Variants in RAD51 observed in about 807,000 individuals in gnomAD.
RAD51 encodes the protein RAD51 recombinase, also known as DNA repair protein RAD51 homolog 1.
In RAD51, 14 loss-of-function variants were observed where a neutral mutation model predicts 41.5. The ratio of observed to expected loss-of-function variants is 0.34; its 90% CI spans 0.22 to 0.53. RAD51 has a LOEUF of 0.53. Among genes scored for constraint, RAD51 ranks in the 20% least tolerant of loss-of-function variants. RAD51 has a pLI of 0.95. For synonymous variants in RAD51, 136 were observed against 148.6 expected (o/e 0.92, Z 0.62); for missense variants, 234 against 422.0 (o/e 0.55, Z 3.90).
chr15:40,701,776 ATTTTTTTTTT>A (rs35383252), intron 3 of RAD51: 9 of 134,836 alleles, frequency 6.7e-5, no homozygotes, highest in Admixed American at 4.0e-4. Context: ...TATAAAGCAG[ATTTTTTTTTT>A]TTTTTTTTTT....
At position 40,708,989 on chromosome 15, in the gene RAD51, T is replaced by G. The variant is rs45455000; in HGVS notation, c.344-36T>G. 114,420 of 1,510,084 alleles carry G rather than the reference T, an allele frequency of 0.076. 4,849 individuals carry two copies. The highest frequency in any genetic ancestry group is 0.12 in the South Asian group (10,831 of 88,838). The allele number at this position is 1,510,084 out of a possible 1,614,324, so 93.5% of individuals were successfully genotyped here. On this transcript the variant is annotated intron_variant, in intron 4 of 9. Coordinates refer to ENST00000267868, the MANE Select transcript of RAD51 (RefSeq NM_002875.5). ...TATGACTACAGTTTCTACATGTTTG[T>G]ATTATGCTAAGAGTTATTTCTTATC...
At chr15:40,716,353 G>GT (rs1208778088) in intron 5 of RAD51, among the ~76,000 whole-genome samples, 1 of 151,730 alleles carries the variant, frequency 6.6e-6, no homozygotes, top group African/African-American at 2.4e-5. Flanking sequence ...AGAGCTTTCA[G>GT]TTTTTTCTCC....
At chr15:40,728,103 A>G (rs1596023920) in intron 6 of RAD51, among the ~76,000 whole-genome samples, 1 of 151,978 alleles carries the variant, frequency 6.6e-6, no homozygotes, top group Non-Finnish European at 1.5e-5. Context: ...CAGGTGATCC[A>G]CCTGCCTCGG....
intron 1 of RAD51, among the ~76,000 whole-genome samples, chr15:40,696,019 C>T (rs1046766705): frequency 2.6e-5 from 4 of 152,012 alleles, no homozygotes; most frequent in African/African-American, 7.2e-5. Context: ...GGATTACAGG[C>T]CCCCACCACC....
chr15:40,715,542 ATGC>A (rs1482109171), intron 5 of RAD51, among the ~76,000 whole-genome samples: 1 of 152,246 alleles, frequency 6.6e-6, no homozygotes, highest in African/African-American at 2.4e-5. Flanking sequence ...GTGTTAAATT[ATGC>A]TCCTAAGCAG....
At chr15:40,713,607 ATTTT>A (rs761493133) in intron 5 of RAD51, among the ~76,000 whole-genome samples, 1 of 127,548 alleles carries the variant, frequency 7.8e-6, no homozygotes. Flanking sequence ...AAATGTTACA[ATTTT>A]TTTTTTTTTT....
At chr15:40,717,598 C>T (rs1476317133) in intron 5 of RAD51, among the ~76,000 whole-genome samples, 1 of 151,966 alleles carries the variant, frequency 6.6e-6, no homozygotes, top group Admixed American at 6.6e-5. Context: ...TCTTTTCTTT[C>T]CTTTTTGTTT....
intron 4 of RAD51, among the ~76,000 whole-genome samples, chr15:40,708,359 C>T (rs1244324616): frequency 6.7e-6 from 1 of 150,336 alleles, no homozygotes; most frequent in African/African-American, 2.4e-5. Context: ...CTGCTAGTAG[C>T]TGGGATTACA....
chr15:40,730,087 T>A, intron 9 of RAD51, 113 bp downstream of exon 9: 1 of 1,399,028 alleles, frequency 7.1e-7, no homozygotes, highest in Non-Finnish European at 9.9e-7. Flanking sequence ...GTATAGACAC[T>A]TAGGAACTCT....
chr15:40,728,609 C>A, intron 6 of RAD51, 102 bp from the exon 7 acceptor site: 1 of 939,918 alleles, frequency 1.1e-6, no homozygotes, highest in Non-Finnish European at 1.7e-6. Flanking sequence ...CTGTCAGTAC[C>A]ACTTCTTCCC....
At chr15:40,707,176 T>TTTTG (rs1895401618) in intron 4 of RAD51, among the ~76,000 whole-genome samples, 1 of 147,122 alleles carries the variant, frequency 6.8e-6, no homozygotes, top group African/African-American at 2.6e-5. Flanking sequence ...TTTTTTTTTT[T>TTTTG]GAGTCGGGGC....
At chr15:40,724,226 G>T (rs1356339279) in intron 6 of RAD51, among the ~76,000 whole-genome samples, 2 of 152,162 alleles carry the variant, frequency 1.3e-5, no homozygotes. Flanking sequence ...TTCTGAGGAT[G>T]TATATACTTA....
At chr15:40,701,338 C>A (rs1160405954) in intron 3 of RAD51, 137 bp downstream of exon 3, 11 of 804,544 alleles carry the variant, frequency 1.4e-5, no homozygotes, top group Non-Finnish European at 1.9e-5. Context: ...TTACCTGTTT[C>A]TTTTCTTCTT....
chr15:40,731,102 A>G lies in RAD51; in HGVS notation c.944A>G (p.Tyr315Cys). Residue 315 changes from tyrosine to cysteine, a missense_variant, in exon 10 of 10, where the codon TAC (tyrosine) becomes TGC (cysteine). This residue lies in a region of RAD51 where 134 missense variants were observed against 286.5 expected (regional missense o/e 0.47). Coordinates refer to ENST00000267868, the MANE Select transcript of RAD51 (RefSeq NM_002875.5). ...GRGETRICKI[Y>C]DSPCLPEAEA... ...GGGGAAACCAGAATCTGCAAAATCT[A>G]CGACTCTCCCTGTCTTCCTGAAGCT... 6 of 1,614,142 alleles carry G rather than the reference A, an allele frequency of 3.7e-6. No homozygotes were observed. The highest frequency in any genetic ancestry group is 1.6e-4 in the Middle Eastern group (1 of 6,062).
At position 40,731,228 on chromosome 15, in the gene RAD51, A is replaced by G. The variant is rs773721778; in HGVS notation, c.*50A>G. 3.3e-5 allele frequency: 54 copies of G among 1,612,088 alleles called. 2 individuals are homozygous for G. In the South Asian group the frequency reaches 5.7e-4, roughly 17 times the overall value. On this transcript the variant is annotated 3_prime_UTR_variant, in exon 10 of 10. Transcript: ENST00000267868. The stretch of plus-strand genomic sequence containing the variant: ...AAACCTTAAGTGCTGCAGCCTAATG[A>G]GAGTGCACTGCTCCCTGGGGTTCTC...
intron 3 of RAD51, 126 bp downstream of exon 3, chr15:40,701,327 G>C: frequency 1.0e-6 from 1 of 955,476 alleles, no homozygotes; most frequent in East Asian, 2.7e-5. Context: ...AGGGGTGACT[G>C]TTACCTGTTT....
intron 4 of RAD51, among the ~76,000 whole-genome samples, chr15:40,706,586 T>G (rs901222531): frequency 6.6e-6 from 1 of 152,076 alleles, no homozygotes; most frequent in African/African-American, 2.4e-5. Flanking sequence ...TAGGTGCACA[T>G]GCCTACTCGG....
At chr15:40,698,477 C>T (rs768317850) in intron 1 of RAD51, among the ~76,000 whole-genome samples, 10 of 152,134 alleles carry the variant, frequency 6.6e-5, no homozygotes, top group Non-Finnish European at 8.8e-5. Flanking sequence ...TGAGCCACCG[C>T]GCCCCGCCAA....
At chr15:40,698,566 G>T (rs988298827) in intron 1 of RAD51, among the ~76,000 whole-genome samples, 191 bp from the exon 2 acceptor site, 6 of 152,140 alleles carry the variant, frequency 3.9e-5, no homozygotes, top group African/African-American at 1.4e-4. Context: ...GTATAATGGG[G>T]TATATAAAAA....
Sources: allele counts gnomAD v4.1 joint callset (sites outside exome capture counted in the v4.1 genomes callset), GRCh38; gene constraint gnomAD v4.1.1; regional missense constraint gnomAD v4.1.1; transcripts MANE v1.5; gene names NCBI Gene and HGNC (gene_info 2026-07-23, HGNC 2026-07-21).